The following OXR1 variants were observed in gnomAD, a reference collection of about 807,000 sequenced individuals.
OXR1 encodes oxidation resistance protein 1.
In OXR1, 41 loss-of-function variants were observed where a neutral mutation model predicts 104.6. The ratio of observed to expected loss-of-function variants is 0.39; its 90% confidence interval spans 0.31 to 0.51. The LOEUF (loss-of-function observed/expected upper bound fraction) is 0.51. OXR1 is among the 20% of genes least tolerant of loss of function. OXR1 has a pLI of 0.77. For missense variants in OXR1, 955 were observed against 1,031.9 expected (o/e 0.93, Z 1.02); for synonymous variants, 348 against 348.4 (o/e 1.00, Z 0.01).
intron 3 of OXR1, among the ~76,000 whole-genome samples, chr8:106,584,627 C>G (rs1352316355): frequency 6.6e-6 from 1 of 151,960 alleles, no homozygotes; most frequent in Non-Finnish European, 1.5e-5. Flanking sequence ...TAAATTATTT[C>G]CTATCAATAG....
At chr8:106,684,825 G>C (rs1464477878) in intron 6 of OXR1, among the ~76,000 whole-genome samples, 1 of 152,054 alleles carries the variant, frequency 6.6e-6, no homozygotes, top group Non-Finnish European at 1.5e-5. Context: ...AATTTATCTA[G>C]CATTTCTAAG....
At chr8:106,536,390 C>G (rs536299643) in intron 3 of OXR1, among the ~76,000 whole-genome samples, 16 of 152,106 alleles carry the variant, frequency 1.1e-4, no homozygotes, top group African/African-American at 3.4e-4. Flanking sequence ...AGTAGCAAGG[C>G]TATGAATTTG....
At chr8:106,523,806 G>A (rs1161919952) in intron 3 of OXR1, among the ~76,000 whole-genome samples, 1 of 149,634 alleles carries the variant, frequency 6.7e-6, no homozygotes, top group Non-Finnish European at 1.5e-5. Context: ...ACGGAGTCTC[G>A]CTCTGTTGCC....
In OXR1 at chr8:106,557,550, CT is replaced by C. The variant is rs60833572; in HGVS notation, c.220+38423del. Reference sequence around the variant, plus strand: ...AAAACTACTGTTTTTTAGAATTCTACTTTTTTTTTTTTAAATTAGGAATAAC... The same window carrying C: ...AAAACTACTGTTTTTTAGAATTCTACTTTTTTTTTTTAAATTAGGAATAAC... On this transcript the variant is annotated intron_variant, in intron 3 of 16. Coordinates refer to ENST00000517566, the MANE Select transcript of OXR1 (RefSeq NM_001198533.2). Among the ~76,000 whole-genome samples, 418 of 63,150 alleles carry C rather than the reference CT, an allele frequency of 6.6e-3. 1 individual carries two copies. Among genetic ancestry groups the C allele is most frequent in the South Asian group, 0.021 (31 of 1,468 alleles). 41.4% of individuals were successfully genotyped at this position (63,150 alleles called of 152,430 possible). A position where few individuals can be genotyped will look rare whatever the true frequency, so the allele number is the denominator to read the frequency against.
At chr8:106,588,657 A>G (rs562364032) in intron 3 of OXR1, among the ~76,000 whole-genome samples, 3 of 151,050 alleles carry the variant, frequency 2.0e-5, no homozygotes, top group African/African-American at 7.3e-5. Context: ...TAATTTTTGT[A>G]TTTGTAGTAG....
intron 1 of OXR1, chr8:106,272,267 G>C (rs1225302030): frequency 6.6e-6 from 1 of 152,306 alleles, no homozygotes; most frequent in Non-Finnish European, 1.5e-5. Context: ...GAGTGGGGGA[G>C]GGGTTGTCGG....
intron 6 of OXR1, among the ~76,000 whole-genome samples, chr8:106,685,219 A>G (rs745616006): frequency 6.6e-6 from 1 of 152,250 alleles, no homozygotes; most frequent in Non-Finnish European, 1.5e-5. Flanking sequence ...ACCAAATGAC[A>G]CAATACCTTT....
intron 2 of OXR1, among the ~76,000 whole-genome samples, chr8:106,449,771 T>C (rs928172650): frequency 6.6e-6 from 1 of 152,178 alleles, no homozygotes; most frequent in Non-Finnish European, 1.5e-5. Flanking sequence ...AAAATCTTAA[T>C]GATGCCACAT....
intron 1 of OXR1, among the ~76,000 whole-genome samples, chr8:106,347,292 G>GA: frequency 6.6e-6 from 1 of 152,292 alleles, no homozygotes; most frequent in African/African-American, 2.4e-5. Flanking sequence ...CCGTATTTGT[G>GA]AAAAATGCCT....
At chr8:106,543,749 C>A (rs1181220890) in intron 3 of OXR1, among the ~76,000 whole-genome samples, 1 of 152,134 alleles carries the variant, frequency 6.6e-6, no homozygotes, top group East Asian at 1.9e-4. Context: ...GAAGCTATAG[C>A]CAGGCTTTCA....
chr8:106,456,224 G>A (rs1820588072), intron 2 of OXR1, among the ~76,000 whole-genome samples: 1 of 152,128 alleles, frequency 6.6e-6, no homozygotes, highest in South Asian at 2.1e-4. Flanking sequence ...ATATAGCTGG[G>A]AACAGAACGA....
intron 3 of OXR1, among the ~76,000 whole-genome samples, chr8:106,583,701 A>G (rs1363871040): frequency 6.6e-6 from 1 of 152,196 alleles, no homozygotes; most frequent in Admixed American, 6.5e-5. Flanking sequence ...CCCAATTTAC[A>G]GTGTGGAACT....
intron 2 of OXR1, among the ~76,000 whole-genome samples, chr8:106,419,202 T>C (rs889947960): frequency 1.5e-4 from 23 of 152,262 alleles, no homozygotes; most frequent in Non-Finnish European, 2.8e-4. Flanking sequence ...GGCTAGAACA[T>C]GCATCTTACC....
intron 3 of OXR1, among the ~76,000 whole-genome samples, chr8:106,659,870 A>G (rs577667170): frequency 9.9e-4 from 151 of 152,284 alleles, no homozygotes; most frequent in African/African-American, 3.6e-3. Flanking sequence ...ACCCTCCTTC[A>G]AAGTGGCGCT....
chr8:106,527,697 C>T (rs776084240), intron 3 of OXR1, among the ~76,000 whole-genome samples: 1 of 152,182 alleles, frequency 6.6e-6, no homozygotes. Flanking sequence ...TTTTAATATA[C>T]AGATTGTCAG....
chr8:106,516,025 C>T (rs1168525401), intron 2 of OXR1, among the ~76,000 whole-genome samples: 4 of 152,070 alleles, frequency 2.6e-5, no homozygotes, highest in Non-Finnish European at 5.9e-5. Flanking sequence ...TATGATTTGG[C>T]CTCACTCCCC....
chr8:106,741,335 G>A (rs1442467649), intron 14 of OXR1, among the ~76,000 whole-genome samples: 1 of 152,088 alleles, frequency 6.6e-6, no homozygotes, highest in African/African-American at 2.4e-5. Flanking sequence ...TGAATCTATA[G>A]TGGTATTAGG....
At chr8:106,584,286 C>A (rs1359164786) in intron 3 of OXR1, among the ~76,000 whole-genome samples, 1 of 150,748 alleles carries the variant, frequency 6.6e-6, no homozygotes, top group Non-Finnish European at 1.5e-5. Flanking sequence ...ACAGGATCTC[C>A]AGAAAGAGAT....
At chr8:106,678,170 T>C (rs1166908920) in intron 3 of OXR1, among the ~76,000 whole-genome samples, 1 of 152,054 alleles carries the variant, frequency 6.6e-6, no homozygotes, top group Non-Finnish European at 1.5e-5. Flanking sequence ...TTGTCCTTTT[T>C]GGGGATTTTG....
Sources: allele counts gnomAD v4.1 joint callset (sites outside exome capture counted in the v4.1 genomes callset), GRCh38; gene constraint gnomAD v4.1.1; transcripts MANE v1.5; gene names NCBI Gene and HGNC (gene_info 2026-07-23, HGNC 2026-07-21).